FAM13A: variants seen among roughly 807,000 people sequenced by gnomAD.
FAM13A encodes family with sequence similarity 13 member A.
In FAM13A, 76 loss-of-function variants were observed where a neutral mutation model predicts 129.6. The observed-to-expected ratio is 0.59, with a 90% CI of 0.49 to 0.71. The LOEUF is 0.71. FAM13A is among the 30% of genes least tolerant of loss of function. FAM13A has a pLI of 0.00. For synonymous variants in FAM13A, 443 were observed against 449.9 expected (o/e 0.98, Z 0.20); for missense variants, 1,108 against 1,249.3 (o/e 0.89, Z 1.70).
intron 3 of FAM13A, among the ~76,000 whole-genome samples, chr4:89,019,269 C>A (rs1766924753): frequency 6.6e-6 from 1 of 152,170 alleles, no homozygotes; most frequent in Non-Finnish European, 1.5e-5. Flanking sequence ...TGAATAGGTA[C>A]ACCACTGCTG....
At chr4:88,993,738 C>T (rs1054678403) in intron 3 of FAM13A, among the ~76,000 whole-genome samples, 7 of 152,202 alleles carry the variant, frequency 4.6e-5, no homozygotes, top group Admixed American at 4.6e-4. Context: ...CGGCAGCTCA[C>T]GCCTGTAATC....
chr4:88,853,734 T>C (rs1328679544), intron 6 of FAM13A, among the ~76,000 whole-genome samples: 3 of 152,180 alleles, frequency 2.0e-5, no homozygotes, highest in African/African-American at 7.2e-5. Flanking sequence ...TGGACTCCAT[T>C]TGAGTCAGTG....
intron 6 of FAM13A, among the ~76,000 whole-genome samples, chr4:88,854,946 G>A (rs1312731831): frequency 6.6e-6 from 1 of 152,174 alleles, no homozygotes; most frequent in Non-Finnish European, 1.5e-5. Context: ...GGTTCCAAGA[G>A]ATTTACATAA....
intron 4 of FAM13A, among the ~76,000 whole-genome samples, chr4:88,962,448 A>G (rs1442815901): frequency 1.3e-5 from 2 of 152,222 alleles, no homozygotes; most frequent in African/African-American, 4.8e-5. Context: ...ACAATTTTCC[A>G]AAGAGGAAAG....
At chr4:88,772,455 T>C (rs1302592124) in intron 11 of FAM13A, among the ~76,000 whole-genome samples, 1 of 152,180 alleles carries the variant, frequency 6.6e-6, no homozygotes, top group Admixed American at 6.5e-5. Flanking sequence ...AACAATACAT[T>C]TCCCAGCCTC....
At chr4:88,861,174 A>T (rs1223291827) in intron 6 of FAM13A, among the ~76,000 whole-genome samples, 2 of 152,046 alleles carry the variant, frequency 1.3e-5, no homozygotes, top group Non-Finnish European at 2.9e-5. Flanking sequence ...TGAGGTCAGG[A>T]GTTCGTGACC....
intron 4 of FAM13A, among the ~76,000 whole-genome samples, chr4:88,945,990 GTATATATATATATATATA>G (rs199936059): frequency 0.22 from 13,499 of 62,142 alleles, 1,642 homozygotes; most frequent in South Asian, 0.25. Context: ...GTGTGTGTGT[GTATATATATATATATATA>G]TATATATATA....
At chr4:88,746,716 G>C (rs906213111) in intron 19 of FAM13A, among the ~76,000 whole-genome samples, 1 of 152,030 alleles carries the variant, frequency 6.6e-6, no homozygotes, top group African/African-American at 2.4e-5. Flanking sequence ...TTTTTCATTG[G>C]AACCCAAGTA....
chr4:88,837,122 G>A (rs901062275), intron 7 of FAM13A, among the ~76,000 whole-genome samples: 1 of 151,352 alleles, frequency 6.6e-6, no homozygotes, highest in African/African-American at 2.4e-5. Context: ...AGCCTCCTGA[G>A]TAGCTGGGAT....
intron 11 of FAM13A, among the ~76,000 whole-genome samples, chr4:88,774,013 T>C (rs139017190): frequency 2.0e-5 from 3 of 152,266 alleles, no homozygotes; most frequent in African/African-American, 7.2e-5. Context: ...TGCTACATCT[T>C]TGACCTCATC....
intron 6 of FAM13A, among the ~76,000 whole-genome samples, chr4:88,852,004 G>A (rs566432674): frequency 2.6e-5 from 4 of 152,256 alleles, no homozygotes; most frequent in African/African-American, 9.6e-5. Flanking sequence ...TACACTGGAA[G>A]CTTTTTCTTG....
intron 6 of FAM13A, among the ~76,000 whole-genome samples, chr4:88,895,508 GC>G (rs1372054295): frequency 6.7e-6 from 1 of 149,922 alleles, no homozygotes; most frequent in Non-Finnish European, 1.5e-5. Context: ...GAAAATTTTT[GC>G]AACCTACTCA....
chr4:89,018,208 T>A (rs1160615655), intron 3 of FAM13A, among the ~76,000 whole-genome samples: 1 of 152,134 alleles, frequency 6.6e-6, no homozygotes, highest in Admixed American at 6.6e-5. Flanking sequence ...TAATTAAGGT[T>A]AAATTAGATT....
chr4:88,856,690 C>G (rs957455139), intron 6 of FAM13A, among the ~76,000 whole-genome samples: 1 of 152,154 alleles, frequency 6.6e-6, no homozygotes, highest in Non-Finnish European at 1.5e-5. Context: ...GTAGCACTAA[C>G]TTTTAACACT....
intron 22 of FAM13A, 109 bp downstream of exon 22, chr4:88,731,893 T>G (rs985579734): frequency 1.3e-5 from 11 of 854,960 alleles, no homozygotes; most frequent in African/African-American, 3.5e-5. Context: ...ACACCCCAGG[T>G]AGTCACTTGT....
At chr4:88,998,346 G>GTGAATGT (rs1763828856) in intron 3 of FAM13A, among the ~76,000 whole-genome samples, 1 of 152,134 alleles carries the variant, frequency 6.6e-6, no homozygotes, top group Non-Finnish European at 1.5e-5. Context: ...CATTCACCCA[G>GTGAATGT]GTACCAAATA....
chr4:88,769,214 A>C (rs1170995212), intron 11 of FAM13A, among the ~76,000 whole-genome samples: 1 of 152,190 alleles, frequency 6.6e-6, no homozygotes, highest in Non-Finnish European at 1.5e-5. Context: ...CAATCTCCAC[A>C]AAATAAACAC....
At chr4:89,039,874 G>A in intron 1 of FAM13A, among the ~76,000 whole-genome samples, 1 of 151,700 alleles carries the variant, frequency 6.6e-6, no homozygotes. Context: ...GATCACTTGA[G>A]CCCAGGAGTT....
intron 3 of FAM13A, among the ~76,000 whole-genome samples, chr4:89,010,717 G>C (rs1284077035): frequency 2.6e-5 from 4 of 152,062 alleles, no homozygotes; most frequent in Non-Finnish European, 4.4e-5. Flanking sequence ...CTGATAAACT[G>C]GCCCTCTGCC....
Sources: allele counts gnomAD v4.1 joint callset (sites outside exome capture counted in the v4.1 genomes callset), GRCh38; gene constraint gnomAD v4.1.1; transcripts MANE v1.5; gene names NCBI Gene and HGNC (gene_info 2026-07-23, HGNC 2026-07-21).